Variants in KCNQ1 observed in about 807,000 individuals in gnomAD.
KCNQ1 encodes the protein potassium voltage-gated channel subfamily KQT member 1.
KCNQ1 carries 49 observed loss-of-function variants against 72.4 expected under a neutral mutation model. That is an observed-to-expected ratio of 0.68 (90% confidence interval 0.54 to 0.86). KCNQ1 has a LOEUF of 0.86. KCNQ1 is among the 40% of genes least tolerant of loss of function. The pLI is 0.00. For synonymous variants in KCNQ1, 450 were observed against 412.6 expected (o/e 1.09, Z -1.10); for missense variants, 790 against 945.1 (o/e 0.84, Z 2.15).
chr11:2,833,450 T>C (rs1847995153), intron 15 of KCNQ1, among the ~76,000 whole-genome samples: 1 of 152,074 alleles, frequency 6.6e-6, no homozygotes, highest in African/African-American at 2.4e-5. Flanking sequence ...GTCTCAGCCT[T>C]AGGGTGGGCA....
In KCNQ1 at chr11:2,593,600, C is replaced by A. The variant is rs1848697725; in HGVS notation, c.1393+4746C>A. Among the ~76,000 whole-genome samples, 1 of 152,174 alleles carries A rather than the reference C, an allele frequency of 6.6e-6. No homozygotes were observed. On this transcript the variant is annotated intron_variant, in intron 10 of 15. Coordinates refer to ENST00000155840, the MANE Select transcript of KCNQ1 (RefSeq NM_000218.3). This position sits in a 1 kb window ranked among gnomAD's most constrained non-coding sequence, Gnocchi z 6.9. ...GAAGTGGGGCAGCGTGCTGGAGGAG[C>A]ATGCATCACATACCCAGAGGTCCCC...
chr11:2,728,442 G>T (rs181730646), intron 11 of KCNQ1, among the ~76,000 whole-genome samples: 2 of 152,378 alleles, frequency 1.3e-5, no homozygotes, highest in East Asian at 1.9e-4. Context: ...CTAGAACCGG[G>T]GGTTGGTGCT....
chr11:2,545,494 A>G (rs182065945), intron 2 of KCNQ1, among the ~76,000 whole-genome samples: 324 of 152,284 alleles, frequency 2.1e-3, no homozygotes, highest in African/African-American at 7.5e-3. Flanking sequence ...TATTCAGTTG[A>G]TTGATAATAA....
intron 10 of KCNQ1, chr11:2,655,661 A>G (rs1185538128): frequency 7.5e-6 from 3 of 398,308 alleles, no homozygotes; most frequent in African/African-American, 2.1e-5. Flanking sequence ...GTGTGTCTGG[A>G]AAGAGCTGAA....
At chr11:2,807,060 C>T (rs1215700859) in intron 15 of KCNQ1, among the ~76,000 whole-genome samples, 1 of 152,214 alleles carries the variant, frequency 6.6e-6, no homozygotes, top group Non-Finnish European at 1.5e-5. Flanking sequence ...TTTCGGAAGG[C>T]GCCAGTGTTT....
intron 10 of KCNQ1, chr11:2,632,033 A>G (rs1213110032): frequency 2.5e-6 from 1 of 396,122 alleles, no homozygotes; most frequent in Non-Finnish European, 4.4e-6. Flanking sequence ...ATACAAAAAC[A>G]TTAGCCAGGC....
intron 11 of KCNQ1, among the ~76,000 whole-genome samples, chr11:2,727,150 G>A (rs1241693512): frequency 6.6e-6 from 1 of 152,208 alleles, no homozygotes; most frequent in African/African-American, 2.4e-5. Context: ...TCAGGAAGGA[G>A]CAGCCATGGG....
chr11:2,540,358 G>A (rs1847804530), intron 2 of KCNQ1, among the ~76,000 whole-genome samples: 1 of 152,248 alleles, frequency 6.6e-6, no homozygotes, highest in Admixed American at 6.5e-5. Context: ...TGCAGGTTGG[G>A]GGGACAGGGC....
chr11:2,652,242 A>G lies in KCNQ1; in HGVS notation c.1394-9719A>G. ...ATGCTGAGAATGAGGCCTGCAACTC[A>G]TTTCCCCATTAAACATTCTGAGAAC... is the stretch of plus-strand genomic sequence containing the variant. On this transcript the variant is annotated intron_variant, in intron 10 of 15. Coordinates refer to ENST00000155840, the MANE Select transcript of KCNQ1 (RefSeq NM_000218.3). This position sits in a 1 kb window ranked among gnomAD's most constrained non-coding sequence, Gnocchi z 5.9. 2.5e-6 allele frequency: 1 copy of G among 398,598 alleles called. No individual in the cohort carries two copies. The highest frequency in any genetic ancestry group is 4.4e-6 in the Non-Finnish European group (1 of 226,072). 24.7% of individuals were successfully genotyped at this position (398,598 alleles called of 1,614,324 possible).
intron 15 of KCNQ1, among the ~76,000 whole-genome samples, chr11:2,805,234 C>G (rs1010666653): frequency 6.6e-6 from 1 of 152,196 alleles, no homozygotes; most frequent in Non-Finnish European, 1.5e-5. Context: ...GTCACAGAGC[C>G]TTTCCCCCAG....
rs1849676557 is a variant in KCNQ1 at position 2,647,008 on chromosome 11, A to G, written c.1394-14953A>G. 1 of 398,382 alleles carries G rather than the reference A, an allele frequency of 2.5e-6. No individual in the cohort carries two copies. The highest frequency in any genetic ancestry group is 2.1e-5 in the African/African-American group (1 of 48,602). 24.7% of individuals were successfully genotyped at this position (398,382 alleles called of 1,614,324 possible). On this transcript the variant is annotated intron_variant, in intron 10 of 15. Coordinates refer to ENST00000155840, the MANE Select transcript of KCNQ1 (RefSeq NM_000218.3). The surrounding 1 kb of genome is among the most constrained non-coding windows in gnomAD (Gnocchi z 4.0). ...TACTTGCCTAATTGTTCTGGTGAGG[A>G]CTTTTCTTACTCTGCTGAATAAGAA... is the stretch of plus-strand genomic sequence containing the variant.
chr11:2,739,099 CCT>C (rs1310332021), intron 11 of KCNQ1, among the ~76,000 whole-genome samples: 1 of 152,182 alleles, frequency 6.6e-6, no homozygotes, highest in African/African-American at 2.4e-5. Context: ...ACTGACATCC[CCT>C]GTCCTGGGGT....
intron 1 of KCNQ1, among the ~76,000 whole-genome samples, chr11:2,456,769 A>C (rs1223123285): frequency 1.8e-5 from 2 of 108,144 alleles, no homozygotes; most frequent in African/African-American, 4.5e-5. Flanking sequence ...AAAATCCAAA[A>C]AAAAAAAAAA....
At chr11:2,660,214 G>A (rs1000556247) in intron 10 of KCNQ1, 5 of 397,944 alleles carry the variant, frequency 1.3e-5, no homozygotes, top group Middle Eastern at 6.2e-4. Flanking sequence ...TTTGTATGTA[G>A]TACCCTTTAA....
At position 2,669,602 on chromosome 11, in the gene KCNQ1, G is replaced by A. The variant is rs1343844397; in HGVS notation, c.1514+7521G>A. 2.5e-6 allele frequency: 1 copy of A among 398,528 alleles called. No homozygotes were observed. The highest frequency in any genetic ancestry group is 4.4e-6 in the Non-Finnish European group (1 of 226,086). 24.7% of individuals were successfully genotyped at this position (398,528 alleles called of 1,614,324 possible). On this transcript the variant is annotated intron_variant, in intron 11 of 15. Coordinates refer to ENST00000155840, the MANE Select transcript of KCNQ1 (RefSeq NM_000218.3). The surrounding 1 kb of genome is among the most constrained non-coding windows in gnomAD (Gnocchi z 5.6). ...TTCATCCTGCCCACAGGACACTGGG[G>A]CAGTCACCTAATCTCTATCAGCCTC...
In KCNQ1 at chr11:2,670,240, C is replaced by T. The variant is rs563290928; in HGVS notation, c.1514+8159C>T. Reference sequence around the variant, plus strand: ...TAGCTCACCTGCCTTTGACCCTGCACATGACGGGCGAGGGAAGAGGACCAT... The same window carrying T: ...TAGCTCACCTGCCTTTGACCCTGCATATGACGGGCGAGGGAAGAGGACCAT... On this transcript the variant is annotated intron_variant, in intron 11 of 15. Transcript: ENST00000155840. The surrounding 1 kb of genome is among the most constrained non-coding windows in gnomAD (Gnocchi z 4.9). The T allele has an allele frequency of 3.3e-4, 131 of 398,528 alleles. 1 individual carries two copies. The East Asian group carries it at 4.4e-3, about 13-fold the overall frequency. The allele number at this position is 398,528 out of a possible 1,614,324, so 24.7% of individuals were successfully genotyped here.
chr11:2,603,345 AC>A lies in KCNQ1; in HGVS notation c.1393+14492del, dbSNP rs202163286. On this transcript the variant is annotated intron_variant, in intron 10 of 15. Transcript: ENST00000155840. This position sits in a 1 kb window ranked among gnomAD's most constrained non-coding sequence, Gnocchi z 4.1. ...GAGCACATGTTGTTGGAAAAATGGC[AC>A]TGATAGACTTGCTCAGTGCAGGCTT... 5.8e-3 allele frequency among the ~76,000 whole-genome samples: 887 copies of A among 152,332 alleles called. 4 individuals are homozygous for A. Among genetic ancestry groups the A allele is most frequent in the African/African-American group, 0.019 (809 of 41,578 alleles).
intron 11 of KCNQ1, chr11:2,681,910 A>G: frequency 2.5e-6 from 1 of 398,636 alleles, no homozygotes. Context: ...GCCATAATGA[A>G]CACACGTTTA....
intron 10 of KCNQ1, chr11:2,648,685 T>A (rs1425899419): frequency 2.5e-6 from 1 of 398,422 alleles, no homozygotes; most frequent in Non-Finnish European, 4.4e-6. Flanking sequence ...CCGTTTTGTG[T>A]CCTAACATAT....
Sources: gnomAD v4.1 joint callset for allele counts (sites outside exome capture counted in the v4.1 genomes callset) on GRCh38, gnomAD v4.1.1 for gene constraint, Gnocchi (gnomAD v3.1) non-coding constraint, MANE v1.5 for transcripts, NCBI Gene and HGNC (gene_info 2026-07-23, HGNC 2026-07-21) for gene names.